CDH12: variants seen among roughly 807,000 people sequenced by gnomAD.
CDH12 encodes cadherin-12.
Under a neutral mutation model 74.1 loss-of-function variants are expected in CDH12, and 41 were observed. The observed-to-expected ratio is 0.55, with a 90% CI of 0.43 to 0.72. CDH12 has a LOEUF of 0.72. Among genes scored for constraint, CDH12 ranks in the 30% least tolerant of loss-of-function variants. CDH12 has a pLI of 0.00. For missense variants in CDH12, 945 were observed against 977.2 expected (o/e 0.97, Z 0.44); for synonymous variants, 399 against 355.0 (o/e 1.12, Z -1.39).
At chr5:22,169,823 G>C (rs922749426) in intron 4 of CDH12, among the ~76,000 whole-genome samples, 2 of 151,796 alleles carry the variant, frequency 1.3e-5, no homozygotes, top group African/African-American at 4.8e-5. Context: ...TTCTAAAATA[G>C]TACATTAACT....
In CDH12 at chr5:22,113,104, G is replaced by A. The variant is rs143491794; in HGVS notation, c.-186-34242C>T. On this transcript the variant is annotated intron_variant, in intron 4 of 14. Transcript: ENST00000382254. ...TACAAATCATAAATTCTCATCAGATGGGTGTTATTTAACCCTATATATCTG... is the reference window on the plus strand; with the variant it reads ...TACAAATCATAAATTCTCATCAGATAGGTGTTATTTAACCCTATATATCTG... Among the ~76,000 whole-genome samples the A allele has an allele frequency of 5.1e-3, 777 of 152,218 alleles. 5 individuals carry two copies. The highest frequency in any genetic ancestry group is 0.017 in the African/African-American group (717 of 41,546).
intron 2 of CDH12, among the ~76,000 whole-genome samples, chr5:22,500,237 A>C (rs1488578451): frequency 1.3e-5 from 2 of 152,192 alleles, no homozygotes; most frequent in African/African-American, 4.8e-5. Context: ...ACCTTTGATT[A>C]GGATAATTTT....
At chr5:22,556,519 T>A (rs969198908) in intron 1 of CDH12, among the ~76,000 whole-genome samples, 1 of 152,086 alleles carries the variant, frequency 6.6e-6, no homozygotes, top group African/African-American at 2.4e-5. Flanking sequence ...GTCCAGCCTT[T>A]CTACTGTGGA....
At chr5:22,341,434 A>T (rs1210430656) in intron 3 of CDH12, among the ~76,000 whole-genome samples, 2 of 152,248 alleles carry the variant, frequency 1.3e-5, no homozygotes, top group African/African-American at 2.4e-5. Flanking sequence ...AAATATAAGG[A>T]ATGCCATTTG....
intron 5 of CDH12, among the ~76,000 whole-genome samples, chr5:21,990,874 G>T (rs1757713914): frequency 6.6e-6 from 1 of 151,640 alleles, no homozygotes; most frequent in Admixed American, 6.6e-5. Flanking sequence ...ATGTGTCTTT[G>T]GGACTAGCAT....
At chr5:22,388,661 C>T (rs1742104168) in intron 3 of CDH12, among the ~76,000 whole-genome samples, 1 of 152,032 alleles carries the variant, frequency 6.6e-6, no homozygotes, top group Non-Finnish European at 1.5e-5. Flanking sequence ...GTTTTATTTA[C>T]AAAATACACT....
At chr5:22,409,186 T>C (rs933270770) in intron 2 of CDH12, among the ~76,000 whole-genome samples, 1 of 152,046 alleles carries the variant, frequency 6.6e-6, no homozygotes, top group Non-Finnish European at 1.5e-5. Context: ...CTCGTCTTGA[T>C]ATTAAAGGCT....
At chr5:22,300,983 C>A (rs932733058) in intron 3 of CDH12, among the ~76,000 whole-genome samples, 1 of 152,084 alleles carries the variant, frequency 6.6e-6, no homozygotes, top group South Asian at 2.1e-4. Flanking sequence ...TTTTGCATAA[C>A]AATAAGAGTA....
intron 1 of CDH12, among the ~76,000 whole-genome samples, chr5:22,588,425 C>A (rs1740519782): frequency 6.6e-6 from 1 of 152,138 alleles, no homozygotes; most frequent in Non-Finnish European, 1.5e-5. Flanking sequence ...GTAGAGTTAG[C>A]AAAATTTGCC....
chr5:21,763,091 T>G (rs1744818688), intron 12 of CDH12, among the ~76,000 whole-genome samples: 1 of 152,104 alleles, frequency 6.6e-6, no homozygotes, highest in Non-Finnish European at 1.5e-5. Flanking sequence ...GGTGATAAAT[T>G]TTAAGTGCAT....
intron 2 of CDH12, among the ~76,000 whole-genome samples, chr5:22,427,697 TAA>T (rs1561396227): frequency 6.6e-6 from 1 of 152,094 alleles, no homozygotes; most frequent in Admixed American, 6.6e-5. Flanking sequence ...AGAATGTGGT[TAA>T]AAAAGGTTGC....
intron 1 of CDH12, among the ~76,000 whole-genome samples, chr5:22,763,688 T>C (rs1338201362): frequency 6.6e-6 from 1 of 151,954 alleles, no homozygotes; most frequent in Non-Finnish European, 1.5e-5. Flanking sequence ...CATGGGCTCT[T>C]TTTCCCATCA....
chr5:22,474,880 C>G (rs1376476647), intron 2 of CDH12, among the ~76,000 whole-genome samples: 1 of 151,984 alleles, frequency 6.6e-6, no homozygotes, highest in Non-Finnish European at 1.5e-5. Context: ...TAGAATATTT[C>G]TCATTAGTAA....
chr5:22,727,236 T>A (rs886602425), intron 1 of CDH12, among the ~76,000 whole-genome samples: 1 of 151,846 alleles, frequency 6.6e-6, no homozygotes, highest in Non-Finnish European at 1.5e-5. Context: ...CAGCACTAAG[T>A]ATAATCAGAC....
At chr5:22,019,057 CT>C (rs540879851) in intron 5 of CDH12, among the ~76,000 whole-genome samples, 2 of 29,402 alleles carry the variant, frequency 6.8e-5, no homozygotes, top group Non-Finnish European at 1.9e-4. Flanking sequence ...AAGACTGTGT[CT>C]CAAAAAAAAA....
At chr5:22,850,138 T>C (rs1737478917) in intron 1 of CDH12, among the ~76,000 whole-genome samples, 1 of 152,090 alleles carries the variant, frequency 6.6e-6, no homozygotes, top group Admixed American at 6.5e-5. Flanking sequence ...GTCATAACTC[T>C]CACTTAATAT....
chr5:22,776,144 A>AGGAAC (rs1342572957), intron 1 of CDH12, among the ~76,000 whole-genome samples: 1 of 152,140 alleles, frequency 6.6e-6, no homozygotes, highest in Non-Finnish European at 1.5e-5. Context: ...CTGCATGTTC[A>AGGAAC]GGAACGGTCA....
At chr5:22,459,775 G>A (rs953381767) in intron 2 of CDH12, among the ~76,000 whole-genome samples, 3 of 152,082 alleles carry the variant, frequency 2.0e-5, no homozygotes, top group Non-Finnish European at 4.4e-5. Flanking sequence ...GACCATCCTG[G>A]TTAATACGGT....
rs1306740989 is a variant in CDH12, at chr5:22,496,288, T to A, written c.-428+8982A>T. ...AGTCAATGCTACTTTGTTAGTAACA[T>A]GGTGAATTACCCATTTAATCCTAAT... On this transcript the variant is annotated intron_variant, in intron 2 of 14. Transcript: ENST00000382254. Among the ~76,000 whole-genome samples, 3 of 152,276 alleles carry A rather than the reference T, an allele frequency of 2.0e-5. No individual in the cohort carries two copies. In the East Asian group the frequency reaches 5.8e-4, roughly 29 times the overall value.
Sources: allele counts gnomAD v4.1 joint callset (sites outside exome capture counted in the v4.1 genomes callset), GRCh38; gene constraint gnomAD v4.1.1; transcripts MANE v1.5; gene names NCBI Gene and HGNC (gene_info 2026-07-23, HGNC 2026-07-21).